The following ARL15 variants were observed in gnomAD, a reference collection of about 807,000 sequenced individuals.
ARL15 encodes ARF like GTPase 15.
A neutral mutation model predicts 25.2 loss-of-function variants in ARL15; 19 were observed. The ratio of observed to expected loss-of-function variants is 0.75; its 90% CI spans 0.53 to 1.10. ARL15 has a LOEUF of 1.10. ARL15 is among the 50% of genes least tolerant of loss of function. The pLI, the probability that ARL15 is intolerant of heterozygous loss-of-function variation, is 0.00. For missense variants in ARL15, 220 were observed against 246.0 expected, an observed-to-expected ratio of 0.89 and a Z score of 0.71; for synonymous variants, 94 against 86.8, an observed-to-expected ratio of 1.08 and a Z score of -0.46.
intron 4 of ARL15, among the ~76,000 whole-genome samples, chr5:54,085,131 A>G (rs1751925705): frequency 6.6e-6 from 1 of 152,194 alleles, no homozygotes; most frequent in South Asian, 2.1e-4. Context: ...TGACACTGCT[A>G]CCATGTCTTT....
chr5:54,040,420 T>C (rs1180378766), intron 4 of ARL15, among the ~76,000 whole-genome samples: 2 of 152,156 alleles, frequency 1.3e-5, no homozygotes, highest in Admixed American at 6.6e-5. Flanking sequence ...AATACAACCA[T>C]AATTTTCAGA....
At chr5:53,943,203 TG>T (rs1233497878) in intron 4 of ARL15, among the ~76,000 whole-genome samples, 1 of 152,142 alleles carries the variant, frequency 6.6e-6, no homozygotes, top group East Asian at 1.9e-4. Flanking sequence ...GTATCCTGAT[TG>T]TAATAATTCA....
chr5:54,048,894 G>A (rs1373883150), intron 4 of ARL15, among the ~76,000 whole-genome samples: 3 of 151,912 alleles, frequency 2.0e-5, no homozygotes, highest in Non-Finnish European at 4.4e-5. Flanking sequence ...ACCAGTCAGA[G>A]CAGGAGTTAG....
intron 1 of ARL15, among the ~76,000 whole-genome samples, chr5:54,257,673 CA>C (rs1757401806): frequency 6.6e-6 from 1 of 152,138 alleles, no homozygotes; most frequent in Non-Finnish European, 1.5e-5. Flanking sequence ...AAAACAAATG[CA>C]AAAACTTTTG....
intron 4 of ARL15, among the ~76,000 whole-genome samples, chr5:54,058,356 T>G (rs1750954090): frequency 6.6e-6 from 1 of 152,128 alleles, no homozygotes; most frequent in Admixed American, 6.5e-5. Context: ...CCTACAACTT[T>G]GTAGCTTGGC....
intron 1 of ARL15, 190 bp downstream of exon 1, chr5:54,310,242 C>T (rs1758861575): frequency 8.1e-6 from 5 of 618,504 alleles, no homozygotes; most frequent in South Asian, 2.4e-5. Flanking sequence ...CCTGTCAGCT[C>T]CACCACCCAC....
chr5:54,053,925 A>G (rs1442754374), intron 4 of ARL15, among the ~76,000 whole-genome samples: 3 of 152,348 alleles, frequency 2.0e-5, no homozygotes, highest in Non-Finnish European at 4.4e-5. Context: ...GCAATGTATC[A>G]GTATTGGTTC....
At chr5:54,237,526 C>T (rs1756841724) in intron 1 of ARL15, among the ~76,000 whole-genome samples, 1 of 152,082 alleles carries the variant, frequency 6.6e-6, no homozygotes, top group Non-Finnish European at 1.5e-5. Flanking sequence ...AGGGGGAATA[C>T]ATCTAAGTAC....
chr5:54,124,733 G>A (rs1753190618), intron 3 of ARL15, among the ~76,000 whole-genome samples: 1 of 152,042 alleles, frequency 6.6e-6, no homozygotes, highest in African/African-American at 2.4e-5. Context: ...CTTTATACTT[G>A]CCATAATGGC....
chr5:53,996,618 T>TAAAA (rs529752025), intron 4 of ARL15, among the ~76,000 whole-genome samples: 17 of 98,818 alleles, frequency 1.7e-4, no homozygotes, highest in African/African-American at 5.9e-4. Context: ...GACTGTCTCA[T>TAAAA]AAAAAAAAAA....
At chr5:54,174,318 C>A (rs1754803126) in intron 1 of ARL15, among the ~76,000 whole-genome samples, 1 of 152,134 alleles carries the variant, frequency 6.6e-6, no homozygotes, top group Admixed American at 6.6e-5. Context: ...AAATAAGAAA[C>A]CGCTGACTTT....
chr5:54,087,068 G>A (rs1751982161), intron 4 of ARL15, among the ~76,000 whole-genome samples: 1 of 152,142 alleles, frequency 6.6e-6, no homozygotes, highest in African/African-American at 2.4e-5. Context: ...TGGGCGTGGT[G>A]GCTCACGCCT....
chr5:54,268,869 T>C (rs1757700996), intron 1 of ARL15, among the ~76,000 whole-genome samples: 1 of 152,166 alleles, frequency 6.6e-6, no homozygotes. Context: ...GGCACATATA[T>C]ACCATGGAAT....
At chr5:54,019,161 C>T (rs899682158) in intron 4 of ARL15, among the ~76,000 whole-genome samples, 4 of 150,048 alleles carry the variant, frequency 2.7e-5, no homozygotes, top group Admixed American at 1.3e-4. Flanking sequence ...AAAAGATAAA[C>T]AGGTTTTTTT....
At chr5:53,961,159 G>A (rs1237897019) in intron 4 of ARL15, among the ~76,000 whole-genome samples, 1 of 152,042 alleles carries the variant, frequency 6.6e-6, no homozygotes, top group African/African-American at 2.4e-5. Flanking sequence ...GTTTAGATTA[G>A]GAAAAACATT....
At chr5:54,168,396 CTACTT>C (rs1754635254) in intron 2 of ARL15, among the ~76,000 whole-genome samples, 1 of 113,656 alleles carries the variant, frequency 8.8e-6, no homozygotes, top group Non-Finnish European at 1.8e-5. Flanking sequence ...CACATTCTCC[CTACTT>C]TTTTTTTTTT....
chr5:54,159,537 A>G (rs958164010), intron 2 of ARL15, among the ~76,000 whole-genome samples: 3 of 152,216 alleles, frequency 2.0e-5, no homozygotes, highest in African/African-American at 7.2e-5. Flanking sequence ...TATTTATATT[A>G]AACAAGGAGA....
chr5:53,980,854 T>C (rs1223157890), intron 4 of ARL15, among the ~76,000 whole-genome samples: 3 of 152,112 alleles, frequency 2.0e-5, no homozygotes, highest in African/African-American at 7.2e-5. Flanking sequence ...GGTGGTTCAT[T>C]CTTGCAGTCC....
intron 4 of ARL15, among the ~76,000 whole-genome samples, chr5:54,038,134 C>T (rs1216978804): frequency 6.6e-6 from 1 of 152,176 alleles, no homozygotes; most frequent in South Asian, 2.1e-4. Context: ...TTAATGAGAG[C>T]ATGTACAAGT....
Sources: gnomAD v4.1 joint callset for allele counts (sites outside exome capture counted in the v4.1 genomes callset) on GRCh38, gnomAD v4.1.1 for gene constraint, MANE v1.5 for transcripts, NCBI Gene and HGNC (gene_info 2026-07-23, HGNC 2026-07-21) for gene names.